GSK3B: variants seen among roughly 807,000 people sequenced by gnomAD.
The protein encoded by GSK3B is glycogen synthase kinase-3 beta.
GSK3B carries 15 observed loss-of-function variants against 56.4 expected under a neutral mutation model. The ratio of observed to expected loss-of-function variants is 0.27; its 90% confidence interval spans 0.18 to 0.41. GSK3B has a LOEUF of 0.41. Among genes scored for constraint, GSK3B ranks in the 10% least tolerant of loss-of-function variants. GSK3B has a pLI of 1.00. For missense variants in GSK3B, 300 were observed against 513.4 expected (o/e 0.58, Z 4.02); for synonymous variants, 181 against 188.9 (o/e 0.96, Z 0.34).
At chr3:119,957,293 A>G (rs2057223427) in intron 2 of GSK3B, among the ~76,000 whole-genome samples, 1 of 152,246 alleles carries the variant, frequency 6.6e-6, no homozygotes, top group Non-Finnish European at 1.5e-5. Context: ...CCAATTTTAT[A>G]GAAACAATAA....
intron 2 of GSK3B, among the ~76,000 whole-genome samples, chr3:119,957,349 C>T (rs760332805): frequency 3.3e-5 from 5 of 152,184 alleles, no homozygotes; most frequent in Non-Finnish European, 7.4e-5. Context: ...ACACAGACTA[C>T]TTGCCCAGCA....
At position 119,919,029 on chromosome 3, in the gene GSK3B, T is replaced by A. The variant is rs571269185; in HGVS notation, c.478-2855A>T. Among the ~76,000 whole-genome samples the A allele has an allele frequency of 3.3e-5, 5 of 152,330 alleles. No individual in the cohort carries two copies. In the South Asian group the frequency reaches 8.3e-4, roughly 25 times the overall value. ...TGTGATCAGACCCTGTCCTTAAACA[T>A]GTATTTTCAATTAAAAAAAAATTAA... On this transcript the variant is annotated intron_variant, in intron 4 of 10. Transcript: ENST00000264235.
At chr3:120,036,648 G>T (rs942113074) in intron 1 of GSK3B, among the ~76,000 whole-genome samples, 8 of 151,854 alleles carry the variant, frequency 5.3e-5, no homozygotes, top group African/African-American at 1.7e-4. Flanking sequence ...CAAAAATTAG[G>T]TGGGCATGGT....
intron 6 of GSK3B, among the ~76,000 whole-genome samples, chr3:119,909,600 G>T (rs1210090442): frequency 6.6e-6 from 1 of 152,220 alleles, no homozygotes; most frequent in African/African-American, 2.4e-5. Context: ...TCTCTATTCA[G>T]TTCCTTCTAT....
At chr3:119,872,032 T>C (rs1191705691) in intron 8 of GSK3B, among the ~76,000 whole-genome samples, 1 of 152,136 alleles carries the variant, frequency 6.6e-6, no homozygotes, top group African/African-American at 2.4e-5. Flanking sequence ...ATGCTTGTCA[T>C]AAAGAAATTT....
chr3:120,067,632 G>A (rs749089393), intron 1 of GSK3B, among the ~76,000 whole-genome samples: 4 of 152,186 alleles, frequency 2.6e-5, no homozygotes, highest in South Asian at 2.1e-4. Flanking sequence ...GGGATCACCT[G>A]TATTCAGTAC....
chr3:119,867,276 T>G (rs2056195285), intron 8 of GSK3B, among the ~76,000 whole-genome samples: 1 of 152,200 alleles, frequency 6.6e-6, no homozygotes. Context: ...GATTGACTTC[T>G]CTGCTAAAAG....
intron 1 of GSK3B, among the ~76,000 whole-genome samples, chr3:120,074,562 C>T (rs1047425786): frequency 1.5e-4 from 23 of 151,964 alleles, no homozygotes; most frequent in Non-Finnish European, 2.1e-4. Flanking sequence ...ATGATCTGCC[C>T]GTCTCAGCCT....
intron 3 of GSK3B, among the ~76,000 whole-genome samples, chr3:119,926,321 T>TA (rs1192803238): frequency 7.1e-6 from 1 of 140,422 alleles, no homozygotes; most frequent in Non-Finnish European, 1.5e-5. Flanking sequence ...CCTTCTCTCT[T>TA]ACACTTCCAC....
At position 119,824,736 on chromosome 3, in the gene GSK3B, T is replaced by C; in HGVS notation, c.*2052A>G. On this transcript the variant is annotated 3_prime_UTR_variant, in exon 11 of 11. Transcript: ENST00000264235. ...ATTTGGTTTGACTGAGCATGTTTCC[T>C]TTCTCATAAACTCTGATATATCCAG... The C allele has an allele frequency of 5.2e-6, 1 of 190,832 alleles. No individual in the cohort carries two copies. Among genetic ancestry groups the C allele is most frequent in the Non-Finnish European group, 1.1e-5 (1 of 90,976 alleles). 11.8% of individuals were successfully genotyped at this position (190,832 alleles called of 1,614,324 possible). A position where few individuals can be genotyped will look rare whatever the true frequency, so the allele number is the denominator to read the frequency against.
chr3:120,024,317 T>G (rs113959351), intron 1 of GSK3B, among the ~76,000 whole-genome samples: 3 of 151,950 alleles, frequency 2.0e-5, no homozygotes, highest in Admixed American at 1.3e-4. Context: ...GCCACTACTG[T>G]ACTCCAGCCT....
At chr3:119,943,362 ATATAG>A (rs1390352838) in intron 3 of GSK3B, among the ~76,000 whole-genome samples, 12 of 152,202 alleles carry the variant, frequency 7.9e-5, no homozygotes, top group Admixed American at 1.3e-4. Context: ...ATAAAATATT[ATATAG>A]TATAACAATG....
chr3:119,856,644 T>G (rs897538091), intron 9 of GSK3B, among the ~76,000 whole-genome samples: 4 of 152,176 alleles, frequency 2.6e-5, no homozygotes, highest in Non-Finnish European at 1.5e-5. Context: ...CCCTGTGGTG[T>G]GTCTCCACTG....
chr3:119,840,949 G>A (rs1273093411), intron 10 of GSK3B, among the ~76,000 whole-genome samples: 2 of 152,102 alleles, frequency 1.3e-5, no homozygotes, highest in Non-Finnish European at 2.9e-5. Context: ...ATGAACAATG[G>A]GAAATTTTAA....
chr3:119,912,815 C>A lies in GSK3B; in HGVS notation c.609-5G>T. On this transcript the variant is annotated splice_region_variant and splice_polypyrimidine_tract_variant and intron_variant, in intron 5 of 10. Transcript: ENST00000264235. ...CCTCGGACCAGCTGCTTTGCACTAACAGAAAAAAAATAAAAATAAAAAGCA... is the reference window on the plus strand; with the variant it reads ...CCTCGGACCAGCTGCTTTGCACTAAAAGAAAAAAAATAAAAATAAAAAGCA... 6.8e-7 allele frequency: 1 copy of A among 1,471,948 alleles called. No homozygotes were observed. Among genetic ancestry groups the A allele is most frequent in the Non-Finnish European group, 9.4e-7 (1 of 1,064,720 alleles). The allele number at this position is 1,471,948 out of a possible 1,614,324, so 91.2% of individuals were successfully genotyped here. A position where few individuals can be genotyped will look rare whatever the true frequency, so the allele number is the denominator to read the frequency against.
intron 3 of GSK3B, among the ~76,000 whole-genome samples, chr3:119,932,641 T>C (rs911272850): frequency 2.0e-5 from 3 of 151,098 alleles, no homozygotes; most frequent in African/African-American, 7.3e-5. Context: ...AAAACATCTA[T>C]ACTACCTTAA....
chr3:119,992,069 C>T (rs1412118973), intron 2 of GSK3B, among the ~76,000 whole-genome samples: 2 of 151,800 alleles, frequency 1.3e-5, no homozygotes, highest in African/African-American at 4.8e-5. Context: ...TAAATAAAAT[C>T]CCAATTTAAA....
At chr3:119,926,328 C>CCACACA (rs146771538) in intron 3 of GSK3B, among the ~76,000 whole-genome samples, 2,931 of 146,870 alleles carry the variant, frequency 0.02, 89 homozygotes, top group African/African-American at 0.07. Context: ...TCTTACACTT[C>CCACACA]CACACACACA....
intron 1 of GSK3B, among the ~76,000 whole-genome samples, chr3:120,055,022 C>A (rs1045276124): frequency 6.6e-6 from 1 of 152,130 alleles, no homozygotes; most frequent in African/African-American, 2.4e-5. Flanking sequence ...GAAGATTGTA[C>A]AACCTTAATC....
Sources: gnomAD v4.1 joint callset for allele counts (sites outside exome capture counted in the v4.1 genomes callset) on GRCh38, gnomAD v4.1.1 for gene constraint, MANE v1.5 for transcripts, NCBI Gene and HGNC (gene_info 2026-07-23, HGNC 2026-07-21) for gene names.